Variants in MTRES1 observed in about 807,000 individuals in gnomAD.
The protein encoded by MTRES1 is uncharacterized protein C6orf203.
A neutral mutation model predicts 17.4 loss-of-function variants in MTRES1; 11 were observed. That is an observed-to-expected ratio of 0.63 (90% confidence interval 0.40 to 1.05). MTRES1 has a LOEUF of 1.05. MTRES1 is among the 50% of genes least tolerant of loss of function. MTRES1 has a pLI of 0.00. For missense variants in MTRES1, 268 were observed against 276.2 expected (o/e 0.97, Z 0.21); for synonymous variants, 94 against 99.6 (o/e 0.94, Z 0.34).
intron 3 of MTRES1, among the ~76,000 whole-genome samples, chr6:107,049,501 C>T (rs1774516127): frequency 1.3e-5 from 2 of 150,024 alleles, no homozygotes; most frequent in South Asian, 4.2e-4. Context: ...GCAAGCTCCG[C>T]CTCCCGGATT....
intron 3 of MTRES1, among the ~76,000 whole-genome samples, chr6:107,045,334 A>T (rs1018257891): frequency 2.0e-5 from 3 of 152,044 alleles, no homozygotes; most frequent in Non-Finnish European, 2.9e-5. Context: ...ACAAAAAAAA[A>T]TTAGCCGGGT....
At chr6:107,049,315 C>T (rs1372634993) in intron 3 of MTRES1, among the ~76,000 whole-genome samples, 17 of 151,784 alleles carry the variant, frequency 1.1e-4, no homozygotes, top group Admixed American at 2.6e-4. Flanking sequence ...CTACTGGAAG[C>T]AGTGGTGAGG....
Position 107,029,191 on chromosome 6 carries a change from AT to A in MTRES1, c.-13+934del, listed in dbSNP as rs35093769. Among the ~76,000 whole-genome samples, 80 of 98,792 alleles carry A rather than the reference AT, an allele frequency of 8.1e-4. 1 individual carries two copies. The highest frequency in any genetic ancestry group is 6.0e-3 in the Middle Eastern group (1 of 166). 64.8% of individuals were successfully genotyped at this position (98,792 alleles called of 152,430 possible). ...CAGGCGCACACCGCCACACCCGGCT[AT>A]TTTTTTTTTTTTTGAGACGCAGTCT... On this transcript the variant is annotated intron_variant, in intron 1 of 3. Transcript: ENST00000311381.
rs182224830 is a variant in MTRES1, at chr6:107,028,836, C to T, written c.-13+565C>T. On this transcript the variant is annotated intron_variant, in intron 1 of 3. Transcript: ENST00000311381. ...GTATACCTCTCCTGAAGATGTCACC[C>T]AAAACCTCCTATGGGATTCTGCCGT... 164 of 977,200 alleles carry T rather than the reference C, an allele frequency of 1.7e-4. 1 individual carries two copies. The highest frequency in any genetic ancestry group is 1.9e-4 in the South Asian group (4 of 21,118). The allele number at this position is 977,200 out of a possible 1,614,324, so 60.5% of individuals were successfully genotyped here. A position where few individuals can be genotyped will look rare whatever the true frequency, so the allele number is the denominator to read the frequency against.
chr6:107,042,510 A>G (rs1016522650), intron 2 of MTRES1, among the ~76,000 whole-genome samples: 2 of 150,768 alleles, frequency 1.3e-5, no homozygotes, highest in Non-Finnish European at 2.9e-5. Flanking sequence ...GCCAAGCTCC[A>G]CATGTCAGTC....
rs113834990 is a variant in MTRES1 at position 107,039,600 on chromosome 6, G to A, written c.-12-149G>A. On this transcript the variant is annotated intron_variant, in intron 1 of 3. Transcript: ENST00000311381. ...CTCCCAAAGTGCTGAGATTACAGGCGTGAACCACTGCGCCAGGCCCAATAG... is the reference window on the plus strand; with the variant it reads ...CTCCCAAAGTGCTGAGATTACAGGCATGAACCACTGCGCCAGGCCCAATAG... The A allele has an allele frequency of 2.2e-3, 1,760 of 796,160 alleles. 22 individuals are homozygous for A. In the African/African-American group the frequency reaches 0.028, roughly 13 times the overall value. 49.3% of individuals were successfully genotyped at this position (796,160 alleles called of 1,614,324 possible). A position where few individuals can be genotyped will look rare whatever the true frequency, so the allele number is the denominator to read the frequency against.
intron 1 of MTRES1, among the ~76,000 whole-genome samples, chr6:107,036,567 G>A (rs1774015231): frequency 6.6e-6 from 1 of 151,722 alleles, no homozygotes; most frequent in African/African-American, 2.4e-5. Flanking sequence ...ATTCTGGCTG[G>A]GTGCGGTGAC....
chr6:107,039,863 C>T lies in MTRES1; in HGVS notation c.103C>T (p.Leu35Phe). 1 of 1,614,170 alleles carries T rather than the reference C, an allele frequency of 6.2e-7. No individual in the cohort carries two copies. ...CCGAGGGACACCTTCATCATACAAA[C>T]TCTGTACTTCCTGGAATCGATACTT... The part of the protein sequence containing the change: ...VLRGTPSSYK[L>F]CTSWNRYLYF... The change falls in exon 2 of 4, where the codon CTC becomes TTC. Residue 35 changes from leucine to phenylalanine, a missense_variant. By Grantham distance (22) the Leu-to-Phe change is conservative. Coordinates refer to ENST00000311381, the MANE Select transcript of MTRES1 (RefSeq NM_016487.5).
chr6:107,034,009 A>G (rs1203264779), intron 1 of MTRES1, among the ~76,000 whole-genome samples: 1 of 152,238 alleles, frequency 6.6e-6, no homozygotes, highest in African/African-American at 2.4e-5. Context: ...TGCCTGCTAG[A>G]AAGTTAAGCT....
intron 2 of MTRES1, among the ~76,000 whole-genome samples, chr6:107,041,244 A>C (rs1367025252): frequency 2.1e-5 from 2 of 93,768 alleles, no homozygotes; most frequent in African/African-American, 5.7e-5. Flanking sequence ...AAAAAAAAAG[A>C]ATGCAGGCTT....
intron 1 of MTRES1, among the ~76,000 whole-genome samples, chr6:107,037,396 A>T (rs1554227062): frequency 6.6e-6 from 1 of 152,084 alleles, no homozygotes; most frequent in East Asian, 1.9e-4. Flanking sequence ...CTAAAAGTAG[A>T]GATGGGGTTT....
chr6:107,050,822 CGAG>C (rs1774576633), intron 3 of MTRES1, among the ~76,000 whole-genome samples: 1 of 152,100 alleles, frequency 6.6e-6, no homozygotes, highest in Non-Finnish European at 1.5e-5. Flanking sequence ...GGTGATCCAC[CGAG>C]CTTGGCCTCC....
At chr6:107,043,590 AAATC>A (rs1333714533) in intron 2 of MTRES1, among the ~76,000 whole-genome samples, 1 of 108,564 alleles carries the variant, frequency 9.2e-6, no homozygotes, top group Non-Finnish European at 2.2e-5. Context: ...GTTATTAAGA[AAATC>A]ATAAGGAAGT....
intron 1 of MTRES1, among the ~76,000 whole-genome samples, chr6:107,037,084 AC>A (rs1774036253): frequency 6.6e-6 from 1 of 151,470 alleles, no homozygotes; most frequent in South Asian, 2.1e-4. Flanking sequence ...TAGCCTAGTT[AC>A]CTTTAAAAAA....
chr6:107,035,248 C>T lies in MTRES1; in HGVS notation c.-12-4501C>T, dbSNP rs139274994. ...TCCCAGGTTCAAGCAATTCTCCTGC[C>T]GCAGCTTCCCAAGTAGCTGGGATTA... On this transcript the variant is annotated intron_variant, in intron 1 of 3. Transcript: ENST00000311381. 3.7e-3 allele frequency among the ~76,000 whole-genome samples: 568 copies of T among 151,824 alleles called. 5 individuals carry two copies. In the South Asian group the frequency reaches 0.04, roughly 11 times the overall value.
chr6:107,042,684 A>G (rs1166456480), intron 2 of MTRES1, among the ~76,000 whole-genome samples: 1 of 152,164 alleles, frequency 6.6e-6, no homozygotes, highest in Non-Finnish European at 1.5e-5. Context: ...GCCTTGCCAT[A>G]CATGTGGTGC....
At position 107,040,053 on chromosome 6, in the gene MTRES1, T is replaced by C; in HGVS notation, c.293T>C (p.Leu98Pro). 1 of 1,613,300 alleles carries C rather than the reference T, an allele frequency of 6.2e-7. No individual in the cohort carries two copies. Residue 98 changes from leucine to proline, a missense_variant, in exon 2 of 4, where the codon CTG becomes CCG. By Grantham distance (98) the Leu-to-Pro change is moderately conservative. Coordinates refer to ENST00000311381, the MANE Select transcript of MTRES1 (RefSeq NM_016487.5). ...TCTACAAAATCTACTAAAAAGTCTC[T>C]GCAAAAAGTAGATGAAGAGGACTCT... ...IRSTKSTKKS[L>P]QKVDEEDSDE...
At chr6:107,038,562 G>A (rs1774084952) in intron 1 of MTRES1, among the ~76,000 whole-genome samples, 1 of 152,170 alleles carries the variant, frequency 6.6e-6, no homozygotes, top group African/African-American at 2.4e-5. Flanking sequence ...GGAAGGAGAT[G>A]TAAAAGGAGT....
intron 1 of MTRES1, chr6:107,030,097 C>A (rs563872183): frequency 1.4e-6 from 1 of 718,218 alleles, no homozygotes; most frequent in African/African-American, 1.7e-5. Flanking sequence ...CAGATTAGTG[C>A]TTGGCACATG....
Sources: gnomAD v4.1 joint callset for allele counts (sites outside exome capture counted in the v4.1 genomes callset) on GRCh38, gnomAD v4.1.1 for gene constraint, MANE v1.5 for transcripts, NCBI Gene and HGNC (gene_info 2026-07-23, HGNC 2026-07-21) for gene names.